SPIDR: variants seen among roughly 807,000 people sequenced by gnomAD.
SPIDR encodes the protein DNA repair-scaffolding protein.
SPIDR carries 93 observed loss-of-function variants against 104.6 expected under a neutral mutation model. The ratio of observed to expected loss-of-function variants is 0.89; its 90% CI spans 0.75 to 1.06. The LOEUF (loss-of-function observed/expected upper bound fraction) is 1.06. Ranked by LOEUF, SPIDR falls within the 50% of genes least tolerant of loss-of-function variation. The probability of loss-of-function intolerance (pLI) is 0.00; values close to 1 mark genes in which losing one functional copy is unlikely to be tolerated. For missense variants in SPIDR, 1,154 were observed against 1,111.2 expected (o/e 1.04, Z -0.55); for synonymous variants, 431 against 416.9 (o/e 1.03, Z -0.41).
At chr8:47,564,714 T>G (rs1160321382) in intron 8 of SPIDR, among the ~76,000 whole-genome samples, 1 of 151,820 alleles carries the variant, frequency 6.6e-6, no homozygotes, top group African/African-American at 2.4e-5. Context: ...ATTCAGTAGT[T>G]AAGGAAATTT....
chr8:47,604,938 A>G (rs1373488221), intron 10 of SPIDR, among the ~76,000 whole-genome samples: 1 of 152,174 alleles, frequency 6.6e-6, no homozygotes, highest in Non-Finnish European at 1.5e-5. Flanking sequence ...TTGTATGTAC[A>G]TTCATTTTGT....
intron 8 of SPIDR, among the ~76,000 whole-genome samples, chr8:47,583,142 C>CA (rs199894320): frequency 0.48 from 67,747 of 141,074 alleles, 18,410 homozygotes; most frequent in East Asian, 0.73. Flanking sequence ...ACTAAAAATA[C>CA]AAAAAAAAAA....
At chr8:47,594,097 C>T (rs552322215) in intron 8 of SPIDR, among the ~76,000 whole-genome samples, 2 of 147,962 alleles carry the variant, frequency 1.4e-5, no homozygotes, top group East Asian at 2.0e-4. Context: ...CGGTGGCTCA[C>T]GCCTGTAATC....
chr8:47,596,013 T>C lies in SPIDR; in HGVS notation c.1293+7T>C, dbSNP rs768361093. 6.2e-7 allele frequency: 1 copy of C among 1,607,398 alleles called. No homozygotes were observed. Among genetic ancestry groups the C allele is most frequent in the Non-Finnish European group, 8.5e-7 (1 of 1,177,076 alleles). On this transcript the variant is annotated splice_region_variant and intron_variant, in intron 9 of 19. Transcript: ENST00000297423. ...TAATTCACCTGAAATCCAGGTAAACTCCTATTGGCCTAAAGGTTTTATGCT... is the reference window on the plus strand; with the variant it reads ...TAATTCACCTGAAATCCAGGTAAACCCCTATTGGCCTAAAGGTTTTATGCT...
intron 1 of SPIDR, among the ~76,000 whole-genome samples, chr8:47,270,347 C>T (rs1347026684): frequency 1.3e-5 from 2 of 151,930 alleles, no homozygotes; most frequent in Non-Finnish European, 2.9e-5. Flanking sequence ...ATTTCTGAGT[C>T]GGTTTTGCTA....
At chr8:47,678,335 G>A (rs2076689445) in intron 11 of SPIDR, among the ~76,000 whole-genome samples, 2 of 152,226 alleles carry the variant, frequency 1.3e-5, no homozygotes, top group South Asian at 2.1e-4. Context: ...TCCTGTACCT[G>A]CAATAGATGG....
intron 10 of SPIDR, among the ~76,000 whole-genome samples, chr8:47,615,764 C>T (rs1311981175): frequency 6.6e-6 from 1 of 152,086 alleles, no homozygotes; most frequent in Non-Finnish European, 1.5e-5. Flanking sequence ...ATAAGGATTG[C>T]ATTGAATCAC....
chr8:47,522,299 C>G (rs1423849777), intron 8 of SPIDR, among the ~76,000 whole-genome samples: 1 of 152,172 alleles, frequency 6.6e-6, no homozygotes, highest in Non-Finnish European at 1.5e-5. Flanking sequence ...TGCTTTGACT[C>G]TGGGGTTTCT....
In SPIDR at chr8:47,368,343, C is replaced by CAAAA. The variant is rs34106189; in HGVS notation, c.526-27995_526-27992dup. 1.2e-3 allele frequency among the ~76,000 whole-genome samples: 58 copies of CAAAA among 49,418 alleles called. 7 individuals carry two copies. The highest frequency in any genetic ancestry group is 2.6e-3 in the African/African-American group (26 of 9,834). The allele number at this position is 49,418 out of a possible 152,430, so 32.4% of individuals were successfully genotyped here. ...ACAGAGTCAGAAGGAGTTGAGAAGTCAAAAAAAAAAAAAAAAAAAAAAAAA... is the reference window on the plus strand; with the variant it reads ...ACAGAGTCAGAAGGAGTTGAGAAGTCAAAAAAAAAAAAAAAAAAAAAAAAAAAAA... On this transcript the variant is annotated intron_variant, in intron 5 of 19. Transcript: ENST00000297423.
intron 10 of SPIDR, chr8:47,659,737 T>C (rs906190032): frequency 2.0e-6 from 2 of 984,702 alleles, no homozygotes; most frequent in Non-Finnish European, 2.4e-6. Flanking sequence ...TCTCTCTCTC[T>C]TCTTATCACT....
intron 9 of SPIDR, among the ~76,000 whole-genome samples, chr8:47,597,809 G>A (rs1414510828): frequency 2.0e-5 from 3 of 152,018 alleles, no homozygotes; most frequent in Non-Finnish European, 2.9e-5. Context: ...AAATTCACTT[G>A]CTGTGGGCAT....
At chr8:47,546,715 A>G (rs1587533451) in intron 8 of SPIDR, 1 of 166,474 alleles carries the variant, frequency 6.0e-6, no homozygotes, top group Non-Finnish European at 1.3e-5. Context: ...TTTCTCGTAT[A>G]CACATCTTTT....
chr8:47,311,439 T>G (rs587707856), intron 5 of SPIDR, among the ~76,000 whole-genome samples: 46 of 152,274 alleles, frequency 3.0e-4, no homozygotes, highest in African/African-American at 1.1e-3. Flanking sequence ...AATTTACATG[T>G]TGAAGAAGTT....
At chr8:47,542,557 A>G (rs2088422394) in intron 8 of SPIDR, among the ~76,000 whole-genome samples, 1 of 152,176 alleles carries the variant, frequency 6.6e-6, no homozygotes, top group Non-Finnish European at 1.5e-5. Context: ...CCCCTGCTTG[A>G]AAATCTTTCA....
chr8:47,614,175 A>G (rs530567963), intron 10 of SPIDR, among the ~76,000 whole-genome samples: 1 of 149,578 alleles, frequency 6.7e-6, no homozygotes, highest in South Asian at 2.1e-4. Context: ...CCAGCTCCAT[A>G]TCCACGTCCC....
chr8:47,456,070 C>A (rs1054973275), intron 8 of SPIDR, among the ~76,000 whole-genome samples: 1 of 152,170 alleles, frequency 6.6e-6, no homozygotes, highest in Non-Finnish European at 1.5e-5. Flanking sequence ...ATTACATTGT[C>A]TGGGTTAGAC....
intron 1 of SPIDR, among the ~76,000 whole-genome samples, chr8:47,269,114 C>T (rs1278710596): frequency 6.6e-6 from 1 of 151,034 alleles, no homozygotes; most frequent in East Asian, 1.9e-4. Context: ...CTTCAGTGAG[C>T]CATGATTGTG....
chr8:47,285,494 C>T (rs2038665473), intron 3 of SPIDR, among the ~76,000 whole-genome samples: 1 of 152,136 alleles, frequency 6.6e-6, no homozygotes, highest in Non-Finnish European at 1.5e-5. Flanking sequence ...AATACTACTT[C>T]CTCACCCAAA....
At chr8:47,670,118 T>G (rs2075599832) in intron 10 of SPIDR, among the ~76,000 whole-genome samples, 1 of 152,130 alleles carries the variant, frequency 6.6e-6, no homozygotes, top group South Asian at 2.1e-4. Flanking sequence ...CATGGGTTGT[T>G]CTCTAACAGA....
Sources: gnomAD v4.1 joint callset for allele counts (sites outside exome capture counted in the v4.1 genomes callset) on GRCh38, gnomAD v4.1.1 for gene constraint, MANE v1.5 for transcripts, NCBI Gene and HGNC (gene_info 2026-07-23, HGNC 2026-07-21) for gene names.